Variants in EPHA5 observed in about 807,000 individuals in gnomAD.
EPHA5 encodes EPH receptor A5, also known as ephrin type-A receptor 5.
EPHA5 carries 60 observed loss-of-function variants against 105.0 expected under a neutral mutation model. That is an observed-to-expected ratio of 0.57 (90% CI 0.46 to 0.71). EPHA5 has a LOEUF of 0.71. Among genes scored for constraint, EPHA5 ranks in the 30% least tolerant of loss-of-function variants. The pLI is 0.00. For synonymous variants in EPHA5, 513 were observed against 449.1 expected, an observed-to-expected ratio of 1.14 and a Z score of -1.80; for missense variants, 1,218 against 1,274.7, an observed-to-expected ratio of 0.96 and a Z score of 0.68.
intron 2 of EPHA5, among the ~76,000 whole-genome samples, chr4:65,615,047 G>A (rs1745106191): frequency 6.6e-6 from 1 of 151,678 alleles, no homozygotes; most frequent in African/African-American, 2.4e-5. Context: ...ACTTTACAAA[G>A]AATGCAATTA....
intron 11 of EPHA5, among the ~76,000 whole-genome samples, chr4:65,360,163 A>T (rs561677907): frequency 6.6e-6 from 1 of 151,672 alleles, no homozygotes; most frequent in South Asian, 2.1e-4. Context: ...AGCAACCCCT[A>T]ATCTCCTTTC....
chr4:65,623,735 A>T (rs1355022657), intron 2 of EPHA5, among the ~76,000 whole-genome samples: 1 of 152,170 alleles, frequency 6.6e-6, no homozygotes, highest in Non-Finnish European at 1.5e-5. Context: ...GCCTCATGAC[A>T]TAATGGTAAC....
chr4:65,653,466 C>T lies in EPHA5; in HGVS notation c.182-10039G>A, dbSNP rs1748784681. 2.0e-5 allele frequency among the ~76,000 whole-genome samples: 3 copies of T among 151,926 alleles called. No individual in the cohort carries two copies. The South Asian group carries it at 6.2e-4, about 31-fold the overall frequency. ...ATACTAACAAAGTACAAATATTGTG[C>T]CAAATGATTTTAGGTGGCTGATCAC... On this transcript the variant is annotated intron_variant, in intron 1 of 16. Transcript: ENST00000613740.
chr4:65,660,374 G>C (rs75447928), intron 1 of EPHA5, among the ~76,000 whole-genome samples: 36,285 of 152,004 alleles, frequency 0.24, 4,946 homozygotes, highest in Middle Eastern at 0.37. Flanking sequence ...TAGCTCTATA[G>C]AAAATGTGTA....
intron 5 of EPHA5, among the ~76,000 whole-genome samples, chr4:65,445,772 A>G (rs1006176237): frequency 2.0e-5 from 3 of 152,174 alleles, no homozygotes; most frequent in Non-Finnish European, 4.4e-5. Context: ...TCAAATAGCT[A>G]TACGTCAAAC....
chr4:65,340,947 A>G (rs990324762), intron 14 of EPHA5, among the ~76,000 whole-genome samples: 3 of 152,052 alleles, frequency 2.0e-5, no homozygotes, highest in Non-Finnish European at 4.4e-5. Flanking sequence ...CTCCTTTAGA[A>G]CGGCATTTCT....
intron 3 of EPHA5, among the ~76,000 whole-genome samples, chr4:65,593,465 T>C (rs1249662949): frequency 1.3e-5 from 2 of 152,188 alleles, no homozygotes; most frequent in African/African-American, 4.8e-5. Flanking sequence ...TTTCTTTCAG[T>C]GCTTCTTAAA....
intron 7 of EPHA5, among the ~76,000 whole-genome samples, chr4:65,409,786 AG>A (rs1271415797): frequency 6.6e-6 from 1 of 152,228 alleles, no homozygotes; most frequent in Non-Finnish European, 1.5e-5. Context: ...ACAGTATGGT[AG>A]GCAAATAAGT....
At chr4:65,629,378 C>T (rs940087756) in intron 2 of EPHA5, among the ~76,000 whole-genome samples, 2 of 152,070 alleles carry the variant, frequency 1.3e-5, no homozygotes, top group African/African-American at 4.8e-5. Context: ...GATTATTATA[C>T]AGTCAAAGCA....
intron 2 of EPHA5, among the ~76,000 whole-genome samples, chr4:65,632,758 GT>G (rs1746766103): frequency 2.0e-5 from 3 of 151,792 alleles, no homozygotes; most frequent in Admixed American, 1.3e-4. Flanking sequence ...TTTTCAATGT[GT>G]TCAATATACA....
At chr4:65,361,419 C>G (rs1478523614) in intron 11 of EPHA5, among the ~76,000 whole-genome samples, 2 of 151,544 alleles carry the variant, frequency 1.3e-5, no homozygotes, top group African/African-American at 4.8e-5. Context: ...GTATGAAAGT[C>G]TATGCATTTT....
intron 2 of EPHA5, among the ~76,000 whole-genome samples, chr4:65,628,021 T>A (rs140881506): frequency 6.6e-6 from 1 of 152,268 alleles, no homozygotes; most frequent in African/African-American, 2.4e-5. Flanking sequence ...GGACTCAAGT[T>A]GTCAGTATTA....
intron 2 of EPHA5, among the ~76,000 whole-genome samples, chr4:65,614,889 G>T (rs997860274): frequency 1.3e-5 from 2 of 151,712 alleles, no homozygotes; most frequent in Admixed American, 1.3e-4. Flanking sequence ...TGATCAAAAA[G>T]AAAGTACTAA....
At chr4:65,601,404 C>T (rs1271267819) in intron 3 of EPHA5, among the ~76,000 whole-genome samples, 1 of 152,124 alleles carries the variant, frequency 6.6e-6, no homozygotes, top group Non-Finnish European at 1.5e-5. Flanking sequence ...AAATATTACA[C>T]TGCAAGTCAG....
At chr4:65,382,366 A>G (rs1293174167) in intron 8 of EPHA5, among the ~76,000 whole-genome samples, 1 of 151,676 alleles carries the variant, frequency 6.6e-6, no homozygotes, top group African/African-American at 2.4e-5. Context: ...AGAGATCATT[A>G]TAAAACATTA....
At chr4:65,390,932 A>T (rs1038697686) in intron 8 of EPHA5, among the ~76,000 whole-genome samples, 2 of 152,046 alleles carry the variant, frequency 1.3e-5, no homozygotes, top group Non-Finnish European at 2.9e-5. Flanking sequence ...TGCTATAAAG[A>T]ACTGCTGGAG....
chr4:65,609,034 C>A (rs1053710845), intron 2 of EPHA5, among the ~76,000 whole-genome samples: 2 of 152,086 alleles, frequency 1.3e-5, no homozygotes, highest in African/African-American at 4.8e-5. Flanking sequence ...AGCTTCCATC[C>A]TCCTTGTTCA....
intron 3 of EPHA5, among the ~76,000 whole-genome samples, chr4:65,548,479 A>G (rs1486162296): frequency 6.6e-6 from 1 of 152,010 alleles, no homozygotes; most frequent in Non-Finnish European, 1.5e-5. Flanking sequence ...TCACAGAAAG[A>G]CAGCATAGGC....
At chr4:65,630,738 A>T (rs971752823) in intron 2 of EPHA5, among the ~76,000 whole-genome samples, 1 of 152,182 alleles carries the variant, frequency 6.6e-6, no homozygotes, top group African/African-American at 2.4e-5. Flanking sequence ...ACCTGTACAG[A>T]TTCGCCGCTG....
Sources: allele counts gnomAD v4.1 joint callset (sites outside exome capture counted in the v4.1 genomes callset), GRCh38; gene constraint gnomAD v4.1.1; transcripts MANE v1.5; gene names NCBI Gene and HGNC (gene_info 2026-07-23, HGNC 2026-07-21).